EPHA6: variants seen among roughly 807,000 people sequenced by gnomAD.
EPHA6 encodes the protein EPH receptor A6, also known as ephrin type-A receptor 6.
Under a neutral mutation model 112.0 loss-of-function variants are expected in EPHA6, and 50 were observed. The observed-to-expected ratio is 0.45, with a 90% CI of 0.36 to 0.56. The LOEUF is 0.56. Among genes scored for constraint, EPHA6 ranks in the 20% least tolerant of loss-of-function variants. The pLI is 0.00. For missense variants in EPHA6, 1,280 were observed against 1,417.4 expected, an observed-to-expected ratio of 0.90 and a Z score of 1.56; for synonymous variants, 529 against 490.7, an observed-to-expected ratio of 1.08 and a Z score of -1.03.
intron 3 of EPHA6, among the ~76,000 whole-genome samples, chr3:97,118,300 T>C (rs2047950958): frequency 6.6e-6 from 1 of 151,704 alleles, no homozygotes; most frequent in Non-Finnish European, 1.5e-5. Context: ...TTTTTTTTCA[T>C]ACTTTTGCTC....
At chr3:97,619,617 CCAA>C (rs1220214005) in intron 13 of EPHA6, among the ~76,000 whole-genome samples, 1 of 151,960 alleles carries the variant, frequency 6.6e-6, no homozygotes, top group Non-Finnish European at 1.5e-5. Context: ...TTCCTATACA[CCAA>C]CAACAGTCAG....
At position 96,919,775 on chromosome 3, in the gene EPHA6, A is replaced by C. The variant is rs117173165; in HGVS notation, c.450+52886A>C. Among the ~76,000 whole-genome samples, 15 of 151,998 alleles carry C rather than the reference A, an allele frequency of 9.9e-5. No individual in the cohort carries two copies. The East Asian group carries it at 2.9e-3, about 29-fold the overall frequency. On this transcript the variant is annotated intron_variant, in intron 2 of 17. Transcript: ENST00000389672. ...CTGCAAGCCTTTTGTGCTATTAAGT[A>C]CAGCTGTATTTTTTTCTTTATTTTT... is the stretch of plus-strand genomic sequence containing the variant.
intron 3 of EPHA6, among the ~76,000 whole-genome samples, chr3:97,166,150 C>T (rs1297935621): frequency 6.6e-6 from 1 of 151,998 alleles, no homozygotes; most frequent in African/African-American, 2.4e-5. Context: ...ATGGAGCAAA[C>T]ATTCGGTAAT....
chr3:97,644,504 G>A (rs1030434827), intron 14 of EPHA6, among the ~76,000 whole-genome samples: 1 of 151,868 alleles, frequency 6.6e-6, no homozygotes, highest in African/African-American at 2.4e-5. Context: ...CCAGGAGCTG[G>A]TTTTTTGAAA....
At chr3:97,035,981 T>A (rs2045077055) in intron 3 of EPHA6, among the ~76,000 whole-genome samples, 1 of 151,944 alleles carries the variant, frequency 6.6e-6, no homozygotes, top group Admixed American at 6.6e-5. Context: ...ATTAGTGCCC[T>A]CATAAAAGAG....
At chr3:97,096,933 C>A (rs1347672986) in intron 3 of EPHA6, among the ~76,000 whole-genome samples, 2 of 151,712 alleles carry the variant, frequency 1.3e-5, no homozygotes, top group African/African-American at 4.8e-5. Flanking sequence ...TAAATGCCCA[C>A]ATCTCCTAAT....
At chr3:97,497,120 T>A (rs1239115886) in intron 10 of EPHA6, among the ~76,000 whole-genome samples, 5 of 152,116 alleles carry the variant, frequency 3.3e-5, no homozygotes, top group African/African-American at 1.2e-4. Flanking sequence ...AATGGAAAGA[T>A]CCCTTGGAAA....
At chr3:96,898,204 A>G (rs2038387104) in intron 2 of EPHA6, among the ~76,000 whole-genome samples, 1 of 152,192 alleles carries the variant, frequency 6.6e-6, no homozygotes, top group Non-Finnish European at 1.5e-5. Context: ...GGCAACATTT[A>G]CATATGTTGT....
chr3:97,439,855 T>A (rs2090042578), intron 6 of EPHA6, among the ~76,000 whole-genome samples: 1 of 152,178 alleles, frequency 6.6e-6, no homozygotes, highest in Non-Finnish European at 1.5e-5. Flanking sequence ...CTGAAAGGTA[T>A]CCTAATGTGT....
chr3:97,473,971 G>A (rs1420603553), intron 7 of EPHA6, among the ~76,000 whole-genome samples: 2 of 151,808 alleles, frequency 1.3e-5, no homozygotes, highest in Non-Finnish European at 2.9e-5. Context: ...ACTGAAAACT[G>A]AACATAAATG....
chr3:97,226,233 A>T lies in EPHA6; in HGVS notation c.1115-31A>T, dbSNP rs769508785. On this transcript the variant is annotated intron_variant, in intron 3 of 17. Coordinates refer to ENST00000389672, the MANE Select transcript of EPHA6 (RefSeq NM_001080448.3). ...AAATAAAAGAATCCTAGCAATAATA[A>T]CTAAAAAAGTGTTTTTTTCTCTTTT... 4 of 1,566,014 alleles carry T rather than the reference A, an allele frequency of 2.6e-6. No individual in the cohort carries two copies. In the East Asian group the frequency reaches 6.7e-5, roughly 26 times the overall value.
At chr3:96,868,779 A>G (rs1234205929) in intron 2 of EPHA6, among the ~76,000 whole-genome samples, 1 of 152,020 alleles carries the variant, frequency 6.6e-6, no homozygotes, top group Non-Finnish European at 1.5e-5. Context: ...CCTATAAAGA[A>G]TTGACATTTT....
intron 5 of EPHA6, among the ~76,000 whole-genome samples, chr3:97,298,270 A>G (rs145493029): frequency 2.0e-5 from 3 of 152,332 alleles, no homozygotes; most frequent in African/African-American, 4.8e-5. Flanking sequence ...GTGAGTTTCA[A>G]TAAAGCTTTC....
chr3:97,489,607 A>C (rs1282070496), intron 10 of EPHA6, among the ~76,000 whole-genome samples: 2 of 151,384 alleles, frequency 1.3e-5, no homozygotes, highest in Non-Finnish European at 2.9e-5. Context: ...AATGGCATGA[A>C]CCCGGGAGGC....
At chr3:96,946,013 C>T (rs1413297695) in intron 2 of EPHA6, among the ~76,000 whole-genome samples, 3 of 152,064 alleles carry the variant, frequency 2.0e-5, no homozygotes, top group Non-Finnish European at 4.4e-5. Flanking sequence ...CTGCCTAACC[C>T]TTGGCAACCA....
intron 11 of EPHA6, among the ~76,000 whole-genome samples, chr3:97,547,466 T>A (rs1326608379): frequency 6.6e-6 from 1 of 152,118 alleles, no homozygotes; most frequent in Non-Finnish European, 1.5e-5. Context: ...GAGGTGTCAG[T>A]CCGCCCATAC....
At chr3:97,125,301 GT>G (rs1277105423) in intron 3 of EPHA6, among the ~76,000 whole-genome samples, 1 of 152,132 alleles carries the variant, frequency 6.6e-6, no homozygotes, top group African/African-American at 2.4e-5. Flanking sequence ...TCTATTGATT[GT>G]TTCTGGCATA....
At position 97,299,325 on chromosome 3, in the gene EPHA6, T is replaced by C. The variant is rs768160429; in HGVS notation, c.1606+55038T>C. Among the ~76,000 whole-genome samples, 29 of 152,072 alleles carry C rather than the reference T, an allele frequency of 1.9e-4. 1 individual carries two copies. The highest frequency in any genetic ancestry group is 3.4e-4 in the Non-Finnish European group (23 of 68,016). On this transcript the variant is annotated intron_variant, in intron 5 of 17. Coordinates refer to ENST00000389672, the MANE Select transcript of EPHA6 (RefSeq NM_001080448.3). ...ATATGGCCATATGAGAGCATATTTCTTAATCATTTAGGTAAACTATTCCTT... is the reference window on the plus strand; with the variant it reads ...ATATGGCCATATGAGAGCATATTTCCTAATCATTTAGGTAAACTATTCCTT...
At chr3:97,431,551 G>T (rs2089506453) in intron 6 of EPHA6, among the ~76,000 whole-genome samples, 1 of 152,070 alleles carries the variant, frequency 6.6e-6, no homozygotes, top group African/African-American at 2.4e-5. Flanking sequence ...TATGTCCCTT[G>T]ATTCGTGTGA....
Sources: allele counts gnomAD v4.1 joint callset (sites outside exome capture counted in the v4.1 genomes callset), GRCh38; gene constraint gnomAD v4.1.1; transcripts MANE v1.5; gene names NCBI Gene and HGNC (gene_info 2026-07-23, HGNC 2026-07-21).